Variants in NSD1 observed in about 807,000 individuals in gnomAD.
The protein encoded by NSD1 is nuclear receptor binding SET domain protein 1.
Under a neutral mutation model 242.7 loss-of-function variants are expected in NSD1, and 26 were observed. The observed-to-expected ratio is 0.11, with a 90% CI of 0.08 to 0.15. The LOEUF (loss-of-function observed/expected upper bound fraction) is 0.15. Among genes scored for constraint, NSD1 ranks in the 10% least tolerant of loss-of-function variants. NSD1 has a pLI of 1.00. For missense variants in NSD1, 2,495 were observed against 3,272.8 expected (o/e 0.76, Z 5.80); for synonymous variants, 1,106 against 1,178.1 (o/e 0.94, Z 1.25).
At chr5:177,197,601 G>GA (rs1323943159) in intron 3 of NSD1, among the ~76,000 whole-genome samples, 1 of 152,184 alleles carries the variant, frequency 6.6e-6, no homozygotes, top group Non-Finnish European at 1.5e-5. Flanking sequence ...CAGCCTGGGC[G>GA]AGAGTGCGAG....
At chr5:177,228,971 G>A (rs1023595270) in intron 5 of NSD1, among the ~76,000 whole-genome samples, 10 of 151,898 alleles carry the variant, frequency 6.6e-5, no homozygotes, top group African/African-American at 2.4e-4. Context: ...AGAACCAATA[G>A]TTGACTGTCT....
At chr5:177,213,382 T>G (rs900728041) in intron 5 of NSD1, among the ~76,000 whole-genome samples, 1 of 152,236 alleles carries the variant, frequency 6.6e-6, no homozygotes, top group African/African-American at 2.4e-5. Flanking sequence ...CACAGAGTTG[T>G]GCAACAATCA....
intron 7 of NSD1, 74 bp from the exon 8 acceptor site, chr5:177,239,682 G>A (rs891253592): frequency 2.4e-6 from 2 of 830,364 alleles, no homozygotes; most frequent in Non-Finnish European, 4.1e-6. Flanking sequence ...CATTTTGTGT[G>A]GTATACAGAT....
Position 177,280,729 on chromosome 5 carries a change from G to A in NSD1, c.5787G>A (p.Gly1929=). The A allele has an allele frequency of 6.2e-7, 1 of 1,614,224 alleles. No individual in the cohort carries two copies. The highest frequency in any genetic ancestry group is 8.5e-7 in the Non-Finnish European group (1 of 1,180,036). Residue 1929 remains glycine, a synonymous_variant, in exon 18 of 23, where the codon GGG becomes GGA. Coordinates refer to ENST00000439151, the MANE Select transcript of NSD1 (RefSeq NM_022455.5). ...ACCCCACAGTGTGTCCTGCCGGAGG[G>A]CGCTGTCAAAACCAGTGCTTTTCCA... The part of the protein sequence containing the change: ...ECHPTVCPAG[G]RCQNQCFSKR...
At chr5:177,133,085 G>A (rs543922627), upstream of NSD1, 206 of 153,312 alleles carry the variant, frequency 1.3e-3, 1 homozygote, top group South Asian at 0.012. The surrounding 1 kb of genome is among the most constrained non-coding windows in gnomAD (Gnocchi z 6.2). Flanking sequence ...GTGCGGCCGG[G>A]TAGGGGGTTC....
Position 177,235,948 on chromosome 5 carries a change from A to G in NSD1, c.3921+3A>G, listed in dbSNP as rs773641288. On this transcript the variant is annotated splice_donor_region_variant and intron_variant, in intron 6 of 22. Transcript: ENST00000439151. ...AGGTACAGGAGCAGGTGCACAAGGTATGTTGCAAAATTTCAGCAAACTTTC... is the reference window on the plus strand; with the variant it reads ...AGGTACAGGAGCAGGTGCACAAGGTGTGTTGCAAAATTTCAGCAAACTTTC... The G allele has an allele frequency of 2.5e-6, 4 of 1,613,710 alleles. No individual in the cohort carries two copies. The African/African-American group carries it at 4.0e-5, about 16-fold the overall frequency.
intron 2 of NSD1, among the ~76,000 whole-genome samples, chr5:177,139,599 G>A (rs1756641536): frequency 6.6e-6 from 1 of 152,138 alleles, no homozygotes; most frequent in Non-Finnish European, 1.5e-5. Context: ...TGATATAGTA[G>A]GTATTGTTAC....
intron 2 of NSD1, among the ~76,000 whole-genome samples, chr5:177,161,611 A>AT (rs1004582202): frequency 9.5e-5 from 14 of 147,188 alleles, no homozygotes; most frequent in Non-Finnish European, 1.6e-4. Flanking sequence ...TTGAAATTAT[A>AT]TTTTTTTTAC....
At position 177,280,410 on chromosome 5, in the gene NSD1, G is replaced by A. The variant is rs151279617; in HGVS notation, c.5623-155G>A. Among the ~76,000 whole-genome samples the A allele has an allele frequency of 6.1e-4, 93 of 152,320 alleles. 1 individual carries two copies. Among genetic ancestry groups the A allele is most frequent in the African/African-American group, 1.9e-3 (80 of 41,562 alleles). On this transcript the variant is annotated intron_variant, in intron 17 of 22. Coordinates refer to ENST00000439151, the MANE Select transcript of NSD1 (RefSeq NM_022455.5). ...GTGGAGTTCATATTTTGTATGTCAA[G>A]TGAGGCTCTGTTTTTATATGAAACT...
intron 2 of NSD1, among the ~76,000 whole-genome samples, chr5:177,148,511 G>A (rs184705765): frequency 0.021 from 3,231 of 152,270 alleles, 47 homozygotes; most frequent in Non-Finnish European, 0.031. Flanking sequence ...TGCAACCTCT[G>A]CCTCCCGGAT....
At chr5:177,177,796 T>C (rs968568595) in intron 2 of NSD1, among the ~76,000 whole-genome samples, 6 of 152,212 alleles carry the variant, frequency 3.9e-5, no homozygotes, top group Non-Finnish European at 7.3e-5. Flanking sequence ...CAAATTGCCT[T>C]TTAAAGAAAT....
chr5:177,192,458 G>T (rs546826786), intron 3 of NSD1, among the ~76,000 whole-genome samples: 1 of 151,878 alleles, frequency 6.6e-6, no homozygotes, highest in South Asian at 2.1e-4. Context: ...GTGCAGTGGC[G>T]TGATCTCAGC....
chr5:177,177,021 T>C (rs1760261086), intron 2 of NSD1, among the ~76,000 whole-genome samples: 1 of 152,232 alleles, frequency 6.6e-6, no homozygotes, highest in Admixed American at 6.5e-5. Context: ...ATTACAGGTG[T>C]CACAAATTAC....
At position 177,135,352 on chromosome 5, in the gene NSD1, T is replaced by C. The variant is rs1331569947; in HGVS notation, c.249T>C (p.Asn83=). The change falls in exon 2 of 23, where the codon AAT becomes AAC. Residue 83 remains asparagine, a synonymous_variant. Coordinates refer to ENST00000439151, the MANE Select transcript of NSD1 (RefSeq NM_022455.5). ...RRLQDLASMI[N]VEYLNGSADG... is the part of the protein sequence containing the mutation. ...TACAGGATTTGGCCTCCATGATCAA[T>C]GTAGAGTATTTAAATGGGTCTGCTG... 1.9e-6 allele frequency: 3 copies of C among 1,612,380 alleles called. No individual in the cohort carries two copies. In the Admixed American group the frequency reaches 5.0e-5, roughly 27 times the overall value.
chr5:177,262,769 C>T (rs1757093769), intron 14 of NSD1, among the ~76,000 whole-genome samples: 1 of 152,190 alleles, frequency 6.6e-6, no homozygotes, highest in Admixed American at 6.5e-5. Context: ...ATCCCAGCTA[C>T]TTGGGAAGCT....
chr5:177,254,834 A>T (rs1439717859), intron 12 of NSD1, among the ~76,000 whole-genome samples: 1 of 152,110 alleles, frequency 6.6e-6, no homozygotes, highest in Non-Finnish European at 1.5e-5. Context: ...GAGAAGATAG[A>T]ATTTTTTTAT....
intron 2 of NSD1, among the ~76,000 whole-genome samples, chr5:177,186,911 G>A (rs1187579462): frequency 1.3e-5 from 2 of 151,870 alleles, no homozygotes; most frequent in African/African-American, 4.8e-5. Flanking sequence ...GACAGACTGA[G>A]GCTGTGTCTC....
chr5:177,286,644 CA>C (rs1451756086), intron 20 of NSD1, among the ~76,000 whole-genome samples: 3 of 152,160 alleles, frequency 2.0e-5, no homozygotes, highest in Non-Finnish European at 2.9e-5. Flanking sequence ...CTAATCGCCC[CA>C]GGGGTGGAGA....
chr5:177,257,846 T>TA (rs1554199649), intron 13 of NSD1, among the ~76,000 whole-genome samples: 5 of 142,470 alleles, frequency 3.5e-5, no homozygotes, highest in Non-Finnish European at 6.3e-5. Context: ...TATTTTATTT[T>TA]TTTTTGAGAC....
Sources: gnomAD v4.1 joint callset for allele counts (sites outside exome capture counted in the v4.1 genomes callset) on GRCh38, gnomAD v4.1.1 for gene constraint, Gnocchi (gnomAD v3.1) non-coding constraint, MANE v1.5 for transcripts, NCBI Gene and HGNC (gene_info 2026-07-23, HGNC 2026-07-21) for gene names.